The following FSD1L variants were observed in gnomAD, a reference collection of about 807,000 sequenced individuals.
FSD1L encodes FSD1-like protein.
Under a neutral mutation model 71.6 loss-of-function variants are expected in FSD1L, and 45 were observed. The observed-to-expected ratio is 0.63, with a 90% confidence interval of 0.49 to 0.81. FSD1L has a LOEUF of 0.81. Ranked by LOEUF, FSD1L falls within the 30% of genes least tolerant of loss-of-function variation. The probability of loss-of-function intolerance (pLI) is 0.00; values close to 1 mark genes in which losing one functional copy is unlikely to be tolerated. For synonymous variants in FSD1L, 197 were observed against 207.2 expected, an observed-to-expected ratio of 0.95 and a Z score of 0.42; for missense variants, 561 against 618.1, an observed-to-expected ratio of 0.91 and a Z score of 0.98.
At chr9:105,512,980 C>T (rs1466705097) in intron 10 of FSD1L, 44 bp downstream of exon 10, 1 of 1,418,952 alleles carries the variant, frequency 7.0e-7, no homozygotes, top group African/African-American at 1.5e-5. Flanking sequence ...AATGCTTGTA[C>T]ACTGGTTCTT....
chr9:105,497,828 AT>A (rs1341474062), intron 7 of FSD1L, among the ~76,000 whole-genome samples: 1 of 150,960 alleles, frequency 6.6e-6, no homozygotes, highest in African/African-American at 2.4e-5. Context: ...AGTTTCATTG[AT>A]TTCTGTTCTT....
intron 9 of FSD1L, among the ~76,000 whole-genome samples, chr9:105,511,548 A>G (rs886392124): frequency 6.6e-6 from 1 of 152,098 alleles, no homozygotes; most frequent in African/African-American, 2.4e-5. Flanking sequence ...TTGCTGCATT[A>G]TCTCTTTTTT....
intron 1 of FSD1L, among the ~76,000 whole-genome samples, chr9:105,459,393 T>G (rs1177700498): frequency 6.6e-6 from 1 of 152,254 alleles, no homozygotes; most frequent in Non-Finnish European, 1.5e-5. Flanking sequence ...CCCATTCTTG[T>G]GAGGGTCAGA....
chr9:105,468,362 G>A, intron 4 of FSD1L, 38 bp downstream of exon 4: 1 of 1,439,612 alleles, frequency 6.9e-7, no homozygotes, highest in Non-Finnish European at 9.1e-7. Context: ...GATAATTTTA[G>A]TCTATTTAAT....
intron 2 of FSD1L, 141 bp downstream of exon 2, chr9:105,461,756 G>A (rs1830713340): frequency 1.8e-6 from 1 of 568,540 alleles, no homozygotes. Flanking sequence ...GATCATGCCT[G>A]TAATCCCAAC....
At chr9:105,457,390 G>A (rs1830422686) in intron 1 of FSD1L, among the ~76,000 whole-genome samples, 1 of 152,192 alleles carries the variant, frequency 6.6e-6, no homozygotes, top group African/African-American at 2.4e-5. Flanking sequence ...ACAATGGGAA[G>A]CTATTGAAGA....
intron 5 of FSD1L, 56 bp downstream of exon 5, chr9:105,472,061 C>G (rs760305725): frequency 7.2e-7 from 1 of 1,391,758 alleles, no homozygotes; most frequent in South Asian, 1.6e-5. Context: ...TTTAAAAAGG[C>G]GTTTTTGTTT....
intron 10 of FSD1L, among the ~76,000 whole-genome samples, chr9:105,533,416 C>CTTTTTTTTTT (rs754896606): frequency 0.058 from 1,692 of 28,938 alleles, 659 homozygotes; most frequent in Admixed American, 0.13. Context: ...CCATTTCCAT[C>CTTTTTTTTTT]TTTTTTTTTT....
intron 10 of FSD1L, chr9:105,525,379 G>A: frequency 2.5e-6 from 4 of 1,599,894 alleles, no homozygotes; most frequent in Non-Finnish European, 2.6e-6. Flanking sequence ...TCCACAACCT[G>A]TGTGCATTTC....
At position 105,506,532 on chromosome 9, in the gene FSD1L, T is replaced by C; in HGVS notation, c.720T>C (p.Asp240=). Residue 240 remains aspartate (D), a synonymous_variant, in exon 8 of 14, where the codon GAT becomes GAC. Transcript: ENST00000481272. ...TGGAACATAGGAAGACTAATTTTGATGGACTTCCACGTGTAAAGGATGAGC... is the reference window on the plus strand; with the variant it reads ...TGGAACATAGGAAGACTAATTTTGACGGACTTCCACGTGTAAAGGATGAGC... ...FILEHRKTNF[D]GLPRVKDERC... is the part of the protein sequence containing the mutation. The C allele has an allele frequency of 6.4e-7, 1 of 1,551,542 alleles. No individual in the cohort carries two copies. The highest frequency in any genetic ancestry group is 1.2e-5 in the South Asian group (1 of 84,064).
At chr9:105,488,385 G>A (rs1832693725) in intron 7 of FSD1L, among the ~76,000 whole-genome samples, 1 of 152,080 alleles carries the variant, frequency 6.6e-6, no homozygotes. Flanking sequence ...TGGAATAATA[G>A]TCCATTGTCT....
intron 7 of FSD1L, among the ~76,000 whole-genome samples, chr9:105,501,227 ATT>A: frequency 6.8e-6 from 1 of 147,902 alleles, no homozygotes; most frequent in African/African-American, 2.5e-5. Flanking sequence ...TTTATGCGGG[ATT>A]TTTTTTTTTG....
intron 5 of FSD1L, among the ~76,000 whole-genome samples, chr9:105,477,455 G>T (rs1241622694): frequency 6.6e-6 from 1 of 152,116 alleles, no homozygotes; most frequent in African/African-American, 2.4e-5. Context: ...TGAAAGTTAT[G>T]GTACAGAGGG....
rs1057076466 is a variant in FSD1L at position 105,550,144 on chromosome 9, T to G, written c.*3661T>G. On this transcript the variant is annotated 3_prime_UTR_variant, in exon 14 of 14. Coordinates refer to ENST00000481272, the MANE Select transcript of FSD1L (RefSeq NM_001145313.3). ...CCAAAACCAGTGAAGTTTGATGGAC[T>G]GTGCATAGAGTTTTGCAGCTTTTGA... 4 of 152,070 alleles carry G rather than the reference T, an allele frequency of 2.6e-5. No individual in the cohort carries two copies. Among genetic ancestry groups the G allele is most frequent in the Non-Finnish European group, 5.9e-5 (4 of 67,922 alleles). 9.4% of individuals were successfully genotyped at this position (152,070 alleles called of 1,614,324 possible).
rs12342016 is a variant in FSD1L at position 105,483,412 on chromosome 9, T to C, written c.465-969T>C. 7.8e-3 allele frequency among the ~76,000 whole-genome samples: 1,190 copies of C among 152,252 alleles called. 9 individuals are homozygous for C. The highest frequency in any genetic ancestry group is 0.014 in the Non-Finnish European group (968 of 67,984). On this transcript the variant is annotated intron_variant, in intron 6 of 13. Coordinates refer to ENST00000481272, the MANE Select transcript of FSD1L (RefSeq NM_001145313.3). ...CAATTGACTAGGCCTAGTATTCCCC[T>C]TGTCCCACCAGCTCTGTTTCCTTCC...
intron 7 of FSD1L, among the ~76,000 whole-genome samples, chr9:105,505,567 G>T (rs750098640): frequency 1.3e-5 from 2 of 151,980 alleles, no homozygotes; most frequent in African/African-American, 2.4e-5. Context: ...CCTGTTTTTT[G>T]AATTTTCTAC....
chr9:105,507,270 T>G (rs1193103175), intron 8 of FSD1L, among the ~76,000 whole-genome samples: 1 of 152,188 alleles, frequency 6.6e-6, no homozygotes, highest in Non-Finnish European at 1.5e-5. Context: ...GTGTTGACCT[T>G]TTGAAAGCCT....
At chr9:105,458,215 C>T (rs1830474753) in intron 1 of FSD1L, among the ~76,000 whole-genome samples, 1 of 152,210 alleles carries the variant, frequency 6.6e-6, no homozygotes, top group African/African-American at 2.4e-5. Flanking sequence ...AGCTCTGGCT[C>T]AGGGAATCCC....
chr9:105,551,719 T>A lies in FSD1L; in HGVS notation c.*5236T>A, dbSNP rs962039410. 1.3e-5 allele frequency: 2 copies of A among 152,220 alleles called. No individual in the cohort carries two copies. Among genetic ancestry groups the A allele is most frequent in the Non-Finnish European group, 2.9e-5 (2 of 68,028 alleles). The allele number at this position is 152,220 out of a possible 1,614,324, so 9.4% of individuals were successfully genotyped here. On this transcript the variant is annotated 3_prime_UTR_variant, in exon 14 of 14. Transcript: ENST00000481272. ...GCCTTTTTGTATTTTCTCAAGCCTATTACTCTAGAGCTGTAAAAGCTCTTG... is the reference window on the plus strand; with the variant it reads ...GCCTTTTTGTATTTTCTCAAGCCTAATACTCTAGAGCTGTAAAAGCTCTTG...
Sources: allele counts gnomAD v4.1 joint callset (sites outside exome capture counted in the v4.1 genomes callset), GRCh38; gene constraint gnomAD v4.1.1; transcripts MANE v1.5; gene names NCBI Gene and HGNC (gene_info 2026-07-23, HGNC 2026-07-21).